The following ASIC2 variants were observed in gnomAD, a reference collection of about 807,000 sequenced individuals.
ASIC2 encodes the protein acid sensing ion channel subunit 2.
A neutral mutation model predicts 57.3 loss-of-function variants in ASIC2; 25 were observed. The ratio of observed to expected loss-of-function variants is 0.44; its 90% CI spans 0.32 to 0.61. ASIC2 has a LOEUF of 0.61. ASIC2 is among the 20% of genes least tolerant of loss of function. The probability of loss-of-function intolerance (pLI) is 0.06; values close to 1 mark genes in which losing one functional copy is unlikely to be tolerated. For synonymous variants in ASIC2, 319 were observed against 307.5 expected (o/e 1.04, Z -0.39); for missense variants, 641 against 738.1 (o/e 0.87, Z 1.52).
intron 8 of ASIC2, among the ~76,000 whole-genome samples, chr17:33,017,298 C>G (rs1278122209): frequency 6.6e-6 from 1 of 152,216 alleles, no homozygotes; most frequent in Non-Finnish European, 1.5e-5. Flanking sequence ...GAGCTGGCCT[C>G]AGCACAGTCT....
intron 1 of ASIC2, among the ~76,000 whole-genome samples, chr17:33,688,476 G>A (rs780306148): frequency 6.6e-5 from 10 of 152,110 alleles, no homozygotes; most frequent in Non-Finnish European, 1.3e-4. Flanking sequence ...GTACTTAATG[G>A]AGCAGGAGGG....
intron 1 of ASIC2, among the ~76,000 whole-genome samples, chr17:33,402,171 C>A (rs758914638): frequency 1.3e-5 from 2 of 152,106 alleles, no homozygotes; most frequent in Non-Finnish European, 2.9e-5. Context: ...ATCTGAGGGG[C>A]CACACTGCAT....
At chr17:33,343,108 A>C (rs1282080199) in intron 1 of ASIC2, among the ~76,000 whole-genome samples, 1 of 152,216 alleles carries the variant, frequency 6.6e-6, no homozygotes, top group African/African-American at 2.4e-5. Context: ...TCCAAATTGT[A>C]GCAGGAGAGA....
intron 1 of ASIC2, among the ~76,000 whole-genome samples, chr17:33,478,244 G>A (rs1215696677): frequency 6.6e-6 from 1 of 152,258 alleles, no homozygotes; most frequent in Non-Finnish European, 1.5e-5. Flanking sequence ...AACTGTGAGA[G>A]CTCTTGCTCC....
chr17:34,116,267 C>G (rs934065508), intron 1 of ASIC2, among the ~76,000 whole-genome samples: 9 of 151,982 alleles, frequency 5.9e-5, no homozygotes, highest in Non-Finnish European at 8.8e-5. Flanking sequence ...ATGCCTTTCT[C>G]TCTCTAGGCC....
chr17:33,732,340 G>T (rs1225192699), intron 1 of ASIC2, among the ~76,000 whole-genome samples: 2 of 152,152 alleles, frequency 1.3e-5, no homozygotes, highest in African/African-American at 4.8e-5. Context: ...TGTCCTAGGT[G>T]CTGAATATAG....
At chr17:33,818,807 G>A (rs993235315) in intron 1 of ASIC2, among the ~76,000 whole-genome samples, 2 of 152,154 alleles carry the variant, frequency 1.3e-5, no homozygotes, top group African/African-American at 4.8e-5. Context: ...AATTTCACTT[G>A]CCATTCCAGC....
intron 1 of ASIC2, among the ~76,000 whole-genome samples, chr17:33,709,377 A>G (rs1046678457): frequency 4.6e-5 from 7 of 152,236 alleles, no homozygotes; most frequent in African/African-American, 1.7e-4. Context: ...AAATCTTTAG[A>G]TGGAGAGATA....
intron 1 of ASIC2, among the ~76,000 whole-genome samples, chr17:34,088,321 G>C (rs2142085109): frequency 6.6e-6 from 1 of 152,332 alleles, no homozygotes; most frequent in Non-Finnish European, 1.5e-5. Context: ...GACCCTGTTT[G>C]CCTGGGTATC....
chr17:33,853,659 G>T (rs1913836918), intron 1 of ASIC2, among the ~76,000 whole-genome samples: 1 of 152,160 alleles, frequency 6.6e-6, no homozygotes, highest in South Asian at 2.1e-4. Context: ...TTTAATCGCA[G>T]CAGGAAAGAC....
At chr17:33,601,170 A>C (rs1905107559) in intron 1 of ASIC2, among the ~76,000 whole-genome samples, 1 of 152,206 alleles carries the variant, frequency 6.6e-6, no homozygotes, top group African/African-American at 2.4e-5. Context: ...AGAATGAAAG[A>C]GTATGTTTAG....
At chr17:33,312,761 C>A (rs892565680) in intron 1 of ASIC2, among the ~76,000 whole-genome samples, 1 of 152,178 alleles carries the variant, frequency 6.6e-6, no homozygotes, top group African/African-American at 2.4e-5. Flanking sequence ...ATGGAGAAAC[C>A]CTGTCTCTAC....
chr17:33,930,892 G>GATTT (rs987182709), intron 1 of ASIC2, among the ~76,000 whole-genome samples: 6 of 151,730 alleles, frequency 4.0e-5, no homozygotes, highest in Non-Finnish European at 7.3e-5. Flanking sequence ...GCCTAGTGCA[G>GATTT]ATTTATTTAT....
At chr17:33,769,381 C>T (rs1353113668) in intron 1 of ASIC2, among the ~76,000 whole-genome samples, 1 of 152,154 alleles carries the variant, frequency 6.6e-6, no homozygotes, top group Non-Finnish European at 1.5e-5. Flanking sequence ...CACTTACTCC[C>T]TCAAATGCTC....
intron 3 of ASIC2, among the ~76,000 whole-genome samples, chr17:33,073,342 G>A (rs944415890): frequency 6.6e-6 from 1 of 152,172 alleles, no homozygotes; most frequent in Non-Finnish European, 1.5e-5. Context: ...CTGTCCACAT[G>A]GAGTGGTCAG....
chr17:33,504,840 C>T (rs1161776252), intron 1 of ASIC2, among the ~76,000 whole-genome samples: 7 of 152,176 alleles, frequency 4.6e-5, no homozygotes, highest in Admixed American at 4.6e-4. Flanking sequence ...TAAATTTCAT[C>T]CTGTTGGTTC....
chr17:33,488,839 T>C (rs4366752), intron 1 of ASIC2, among the ~76,000 whole-genome samples: 110,385 of 151,880 alleles, frequency 0.73, 40,444 homozygotes, highest in Non-Finnish European at 0.75. Flanking sequence ...TTTTCAGTCC[T>C]AATGACACGC....
intron 1 of ASIC2, among the ~76,000 whole-genome samples, chr17:34,134,186 T>C (rs1451509882): frequency 6.6e-6 from 1 of 152,226 alleles, no homozygotes; most frequent in Non-Finnish European, 1.5e-5. Flanking sequence ...TGAAGCCTTC[T>C]AGAGTCATGT....
chr17:33,696,556 A>G (rs1908536498), intron 1 of ASIC2, among the ~76,000 whole-genome samples: 1 of 152,186 alleles, frequency 6.6e-6, no homozygotes, highest in Admixed American at 6.5e-5. Flanking sequence ...ATGAACGAAG[A>G]AGGCCCCCAT....
Sources: gnomAD v4.1 joint callset for allele counts (sites outside exome capture counted in the v4.1 genomes callset) on GRCh38, gnomAD v4.1.1 for gene constraint, MANE v1.5 for transcripts, NCBI Gene and HGNC (gene_info 2026-07-23, HGNC 2026-07-21) for gene names.